Variants in NPY observed in about 807,000 individuals in gnomAD.
The protein encoded by NPY is pro-neuropeptide Y.
NPY carries 11 observed loss-of-function variants against 13.2 expected under a neutral mutation model. That is an observed-to-expected ratio of 0.83 (90% CI 0.52 to 1.38). NPY has a LOEUF of 1.38. Ranked by LOEUF, NPY falls within the 40% of genes most tolerant of loss-of-function variation. The pLI is 0.00. For synonymous variants in NPY, 51 were observed against 55.6 expected (o/e 0.92, Z 0.37); for missense variants, 109 against 125.1 (o/e 0.87, Z 0.61).
chr7:24,291,803 T>C lies in NPY; in HGVS notation c.*116T>C. 1 of 1,123,502 alleles carries C rather than the reference T, an allele frequency of 8.9e-7. No individual in the cohort carries two copies. Among genetic ancestry groups the C allele is most frequent in the Non-Finnish European group, 1.3e-6 (1 of 748,144 alleles). 69.6% of individuals were successfully genotyped at this position (1,123,502 alleles called of 1,614,324 possible). A position where few individuals can be genotyped will look rare whatever the true frequency, so the allele number is the denominator to read the frequency against. ...GCAGCCACTGTGCTGAATTCTGCAA[T>C]GTTTTCCTTTGTCATCATTGTATAT... On this transcript the variant is annotated 3_prime_UTR_variant, in exon 4 of 4. Transcript: ENST00000242152.
chr7:24,290,179 T>C (rs931873987), intron 3 of NPY, among the ~76,000 whole-genome samples: 1 of 152,198 alleles, frequency 6.6e-6, no homozygotes, highest in Non-Finnish European at 1.5e-5. Context: ...CAGGACTTTC[T>C]TGCAGTTTGG....
intron 2 of NPY, among the ~76,000 whole-genome samples, chr7:24,288,641 G>A (rs1583574368): frequency 8.6e-6 from 1 of 115,836 alleles, no homozygotes; most frequent in African/African-American, 3.3e-5. Flanking sequence ...ACAGGTAAAC[G>A]AAACCTTACC....
Position 24,285,398 on chromosome 7 carries a change from G to A in NPY, c.158G>A (p.Arg53Gln), listed in dbSNP as rs963845288. The change falls in exon 2 of 4, where the codon CGA becomes CAA. Residue 53 changes from arginine to glutamine, a missense_variant. Arg to Gln is a conservative substitution (Grantham distance 43). Transcript: ENST00000242152. The surrounding 1 kb of genome is among the most constrained non-coding windows in gnomAD (Gnocchi z 4.9). ...EDMARYYSAL[R>Q]HYINLITRQR... ...ATGGCCAGATACTACTCGGCGCTGCGACACTACATCAACCTCATCACCAGG... is the reference window on the plus strand; with the variant it reads ...ATGGCCAGATACTACTCGGCGCTGCAACACTACATCAACCTCATCACCAGG... 6 of 1,613,824 alleles carry A rather than the reference G, an allele frequency of 3.7e-6. No homozygotes were observed. The Admixed American group carries it at 5.0e-5, about 13-fold the overall frequency.
intron 2 of NPY, among the ~76,000 whole-genome samples, chr7:24,288,296 T>C (rs1481507626): frequency 1.3e-5 from 2 of 152,190 alleles, no homozygotes; most frequent in African/African-American, 4.8e-5. Context: ...CAGAAAATCT[T>C]TGAGAAAATC....
Position 24,285,289 on chromosome 7 carries a change from T to G in NPY, c.49T>G (p.Ser17Ala), listed in dbSNP as rs759616656. Residue 17 changes from serine (S) to alanine (A), a missense_variant, in exon 2 of 4, where the codon TCC becomes GCC. By Grantham distance (99) the Ser-to-Ala change is moderately conservative. Coordinates refer to ENST00000242152, the MANE Select transcript of NPY (RefSeq NM_000905.4). This position sits in a 1 kb window ranked among gnomAD's most constrained non-coding sequence, Gnocchi z 4.9. Reference sequence around the variant, plus strand: ...GCTGTCCGGACTGACCCTCGCCCTGTCCCTGCTCGTGTGCCTGGGTGCGCT... The same window carrying G: ...GCTGTCCGGACTGACCCTCGCCCTGGCCCTGCTCGTGTGCCTGGGTGCGCT... ...LGLSGLTLAL[S>A]LLVCLGALAE... 2 of 1,613,970 alleles carry G rather than the reference T, an allele frequency of 1.2e-6. No individual in the cohort carries two copies. The highest frequency in any genetic ancestry group is 2.7e-5 in the African/African-American group (2 of 74,904).
Position 24,289,479 on chromosome 7 carries a change from A to G in NPY, c.189-20A>G. ...TTATGCCTATTCCAAACTTGCTTTA[A>G]AAGACTTTTTTTTTTCCAGATATGG... On this transcript the variant is annotated intron_variant, in intron 2 of 3. Coordinates refer to ENST00000242152, the MANE Select transcript of NPY (RefSeq NM_000905.4). 1 of 1,586,130 alleles carries G rather than the reference A, an allele frequency of 6.3e-7. No homozygotes were observed. The highest frequency in any genetic ancestry group is 8.6e-7 in the Non-Finnish European group (1 of 1,164,236).
intron 3 of NPY, 40 bp downstream of exon 3, chr7:24,289,619 C>T (rs1341214782): frequency 7.2e-6 from 11 of 1,534,386 alleles, no homozygotes; most frequent in Non-Finnish European, 8.1e-6. Context: ...TTGCAGAGCT[C>T]AAGGTGCCCA....
chr7:24,289,022 G>A (rs531308428), intron 2 of NPY, among the ~76,000 whole-genome samples: 1 of 152,254 alleles, frequency 6.6e-6, no homozygotes, highest in East Asian at 1.9e-4. Flanking sequence ...ACGGCAATCT[G>A]CTGATTTTTT....
At chr7:24,289,013 C>CG (rs1026167998) in intron 2 of NPY, among the ~76,000 whole-genome samples, 32 of 152,056 alleles carry the variant, frequency 2.1e-4, no homozygotes, top group African/African-American at 7.5e-4. Flanking sequence ...GGGTCTTGGA[C>CG]GGCAATCTGC....
Position 24,285,380 on chromosome 7 carries a change from G to A in NPY, c.140G>A (p.Arg47Lys). ...GEDAPAEDMA[R>K]YYSALRHYIN... ...GACGCACCAGCGGAGGACATGGCCA[G>A]ATACTACTCGGCGCTGCGACACTAC... is the stretch of plus-strand genomic sequence containing the variant. The change falls in exon 2 of 4, where the codon AGA (arginine) becomes AAA (lysine). Residue 47 changes from arginine to lysine, a missense_variant. Transcript: ENST00000242152. The surrounding 1 kb of genome is among the most constrained non-coding windows in gnomAD (Gnocchi z 4.9). The A allele has an allele frequency of 1.9e-6, 3 of 1,614,070 alleles. No individual in the cohort carries two copies. Among genetic ancestry groups the A allele is most frequent in the South Asian group, 1.1e-5 (1 of 91,070 alleles).
At chr7:24,284,817 G>C (rs1256506751) in intron 1 of NPY, 1 of 227,362 alleles carries the variant, frequency 4.4e-6, no homozygotes, top group East Asian at 1.4e-4. Context: ...TGCTGTCAGC[G>C]TTGATCCCCT....
chr7:24,289,633 GA>G, intron 3 of NPY, 54 bp downstream of exon 3: 1 of 1,450,902 alleles, frequency 6.9e-7, no homozygotes, highest in South Asian at 1.2e-5. Flanking sequence ...GTGCCCAGGG[GA>G]GGGAAGTCAG....
chr7:24,289,502 TG>T lies in NPY; in HGVS notation c.194del (p.Gly65GlufsTer9). 6.3e-7 allele frequency: 1 copy of T among 1,590,962 alleles called. No homozygotes were observed. Among genetic ancestry groups the T allele is most frequent in the Non-Finnish European group, 8.5e-7 (1 of 1,169,968 alleles). Reference protein sequence around the residue: ...YINLITRQRYGKRSSPETLIS... With the variant: ...YINLITRQRYXKRSSPETLIS... ...TAAAAGACTTTTTTTTTTCCAGATATGGAAAACGATCCAGCCCAGAGACACT... is the reference window on the plus strand; with the variant it reads ...TAAAAGACTTTTTTTTTTCCAGATATGAAAACGATCCAGCCCAGAGACACT... On this transcript the variant is annotated frameshift_variant, in exon 3 of 4. Transcript: ENST00000242152. LOFTEE classifies it high-confidence loss of function.
chr7:24,285,144 G>C lies in NPY; in HGVS notation c.1-97G>C, dbSNP rs1368127456. 3 of 1,281,626 alleles carry C rather than the reference G, an allele frequency of 2.3e-6. No individual in the cohort carries two copies. Among genetic ancestry groups the C allele is most frequent in the East Asian group, 4.6e-5 (2 of 43,286 alleles). The allele number at this position is 1,281,626 out of a possible 1,614,324, so 79.4% of individuals were successfully genotyped here. A position where few individuals can be genotyped will look rare whatever the true frequency, so the allele number is the denominator to read the frequency against. ...GAGAGCGGATTGGGGGTCGCGTGTG[G>C]TAGCAGGAGGAGGAGCGCGGGGGGC... On this transcript the variant is annotated intron_variant, in intron 1 of 3. Transcript: ENST00000242152. The surrounding 1 kb of genome is among the most constrained non-coding windows in gnomAD (Gnocchi z 4.9).
chr7:24,288,959 G>C (rs542579149), intron 2 of NPY, among the ~76,000 whole-genome samples: 71 of 152,082 alleles, frequency 4.7e-4, no homozygotes, highest in Non-Finnish European at 1.3e-4. Context: ...ATTTAAGCAG[G>C]GGTTGTTTTA....
intron 3 of NPY, among the ~76,000 whole-genome samples, chr7:24,290,223 A>G (rs1478947939): frequency 1.3e-5 from 2 of 152,124 alleles, no homozygotes; most frequent in African/African-American, 4.8e-5. Flanking sequence ...ACCAATGTCT[A>G]AGTGTTAAAC....
intron 2 of NPY, among the ~76,000 whole-genome samples, chr7:24,286,372 T>G (rs1787378413): frequency 6.7e-6 from 1 of 150,112 alleles, no homozygotes; most frequent in Non-Finnish European, 1.5e-5. Flanking sequence ...TTATTTTAAT[T>G]ACTGAGATTA....
At chr7:24,289,609 T>C (rs1787526613) in intron 3 of NPY, 30 bp downstream of exon 3, 3 of 1,573,272 alleles carry the variant, frequency 1.9e-6, no homozygotes, top group African/African-American at 2.7e-5. Flanking sequence ...GGGGACATTG[T>C]TGCAGAGCTC....
chr7:24,284,625 C>T (rs142653472), intron 1 of NPY, among the ~76,000 whole-genome samples: 194 of 152,306 alleles, frequency 1.3e-3, no homozygotes, highest in African/African-American at 4.3e-3. Flanking sequence ...GCCCAGGAAG[C>T]GGTGCGCGGT....
Sources: gnomAD v4.1 joint callset for allele counts (sites outside exome capture counted in the v4.1 genomes callset) on GRCh38, gnomAD v4.1.1 for gene constraint, Gnocchi (gnomAD v3.1) non-coding constraint, MANE v1.5 for transcripts, NCBI Gene and HGNC (gene_info 2026-07-23, HGNC 2026-07-21) for gene names.